Variants in SYBU observed in about 807,000 individuals in gnomAD.
The protein encoded by SYBU is syntabulin.
A neutral mutation model predicts 35.9 loss-of-function variants in SYBU; 21 were observed. That is an observed-to-expected ratio of 0.58 (90% CI 0.41 to 0.84). The LOEUF (loss-of-function observed/expected upper bound fraction) is 0.84, where lower values mean the gene tolerates loss of function less well. Among genes scored for constraint, SYBU ranks in the 40% least tolerant of loss-of-function variants. The pLI, the probability that SYBU is intolerant of heterozygous loss-of-function variation, is 0.00. For missense variants in SYBU, 768 were observed against 848.2 expected, an observed-to-expected ratio of 0.91 and a Z score of 1.17; for synonymous variants, 319 against 324.3, an observed-to-expected ratio of 0.98 and a Z score of 0.18.
intron 3 of SYBU, among the ~76,000 whole-genome samples, chr8:109,598,939 C>A (rs571325045): frequency 2.0e-5 from 3 of 152,286 alleles, no homozygotes; most frequent in South Asian, 4.1e-4. Context: ...TCACACAGCC[C>A]TTATGTGGGG....
At chr8:109,649,820 T>C (rs1015158016), upstream of SYBU, among the ~76,000 whole-genome samples, 2 of 152,094 alleles carry the variant, frequency 1.3e-5, no homozygotes, top group South Asian at 2.1e-4. Context: ...ATCAGAATGA[T>C]TGAAATTAAG....
Position 109,575,046 on chromosome 8 carries a change from CG to C in SYBU, c.1851del (p.Val618TrpfsTer48). On this transcript the variant is annotated frameshift_variant, in exon 7 of 7. Coordinates refer to ENST00000276646, the MANE Select transcript of SYBU (RefSeq NM_001099754.2). LOFTEE classifies it high-confidence loss of function. ...FLVDLLAVAA[P>X]VVPTVLWAFS... is the part of the protein sequence containing the mutation. ...AATGCCCACAGAACCGTGGGGACCA[CG>C]GGGGCAGCCACAGCCAGGAGATCCA... 2 of 1,608,046 alleles carry C rather than the reference CG, an allele frequency of 1.2e-6. No individual in the cohort carries two copies. Among genetic ancestry groups the C allele is most frequent in the Non-Finnish European group, 1.7e-6 (2 of 1,176,276 alleles).
chr8:109,658,253 A>G (rs1257309126), intron 1 of SYBU, among the ~76,000 whole-genome samples: 1 of 152,166 alleles, frequency 6.6e-6, no homozygotes, highest in Non-Finnish European at 1.5e-5. Context: ...CTAACTGACT[A>G]CTTTTAAGCT....
At chr8:109,591,858 C>T (rs1824319854) in intron 3 of SYBU, among the ~76,000 whole-genome samples, 1 of 151,864 alleles carries the variant, frequency 6.6e-6, no homozygotes, top group Non-Finnish European at 1.5e-5. Flanking sequence ...AGAGTAGTCA[C>T]ACCATATTAT....
At position 109,691,454 on chromosome 8, in the gene SYBU, T is replaced by C. The variant is rs913882389; in HGVS notation, c.-179A>G. 6.9e-5 allele frequency: 44 copies of C among 638,420 alleles called. No homozygotes were observed. In the East Asian group the frequency reaches 7.7e-4, roughly 11 times the overall value. The allele number at this position is 638,420 out of a possible 1,614,324, so 39.5% of individuals were successfully genotyped here. A position where few individuals can be genotyped will look rare whatever the true frequency, so the allele number is the denominator to read the frequency against. On this transcript the variant is annotated 5_prime_UTR_variant, in exon 1 of 8. Coordinates refer to the SYBU transcript ENST00000422135. The surrounding 1 kb of genome is among the most constrained non-coding windows in gnomAD (Gnocchi z 4.7). ...GACGGGACCCCGCGTCGCTGCTGGTTTGCGCTCAGGCCCGGGGAGCCGGGC... is the reference window on the plus strand; with the variant it reads ...GACGGGACCCCGCGTCGCTGCTGGTCTGCGCTCAGGCCCGGGGAGCCGGGC...
chr8:109,630,077 G>A (rs1480202816), intron 2 of SYBU, among the ~76,000 whole-genome samples: 1 of 151,736 alleles, frequency 6.6e-6, no homozygotes, highest in African/African-American at 2.4e-5. Flanking sequence ...TATACACCAT[G>A]GAATACTATG....
upstream of SYBU, chr8:109,645,999 T>G (rs986218660): frequency 6.6e-6 from 1 of 152,268 alleles, no homozygotes; most frequent in African/African-American, 2.4e-5. Context: ...CAATATTTGT[T>G]GATGCCTTTT....
At chr8:109,581,275 G>A (rs542361331) in intron 4 of SYBU, among the ~76,000 whole-genome samples, 4 of 152,264 alleles carry the variant, frequency 2.6e-5, no homozygotes, top group African/African-American at 9.6e-5. Context: ...TGAGTCATTG[G>A]CACTGCCACT....
chr8:109,669,841 T>C (rs925699024), intron 1 of SYBU, among the ~76,000 whole-genome samples: 5 of 152,260 alleles, frequency 3.3e-5, no homozygotes, highest in Middle Eastern at 3.2e-3. Flanking sequence ...TAGCTACCTA[T>C]GTAAAATAAA....
intron 5 of SYBU, 73 bp downstream of exon 5, chr8:109,579,726 T>A: frequency 7.2e-7 from 1 of 1,385,604 alleles, no homozygotes; most frequent in Non-Finnish European, 1.0e-6. Context: ...TATAACTTTT[T>A]TTTTTCTTTT....
At chr8:109,591,248 TTTTGTG>T (rs1215535558) in intron 3 of SYBU, among the ~76,000 whole-genome samples, 9 of 152,204 alleles carry the variant, frequency 5.9e-5, no homozygotes, top group Non-Finnish European at 1.2e-4. Context: ...AGTCTGCTTT[TTTTGTG>T]AATAAATCTT....
chr8:109,619,830 G>A (rs1308309682), intron 2 of SYBU, among the ~76,000 whole-genome samples: 3 of 152,192 alleles, frequency 2.0e-5, no homozygotes, highest in Non-Finnish European at 4.4e-5. Flanking sequence ...AGGGTTCAAA[G>A]AAGCAGTGTG....
intron 4 of SYBU, among the ~76,000 whole-genome samples, chr8:109,581,706 G>A (rs1180866642): frequency 1.3e-5 from 2 of 152,208 alleles, no homozygotes; most frequent in East Asian, 1.9e-4. Context: ...AATGAGAAAT[G>A]TGTGTAAATG....
At chr8:109,673,566 C>T (rs1188659602) in intron 1 of SYBU, among the ~76,000 whole-genome samples, 1 of 152,140 alleles carries the variant, frequency 6.6e-6, no homozygotes, top group Non-Finnish European at 1.5e-5. Flanking sequence ...GATAAATCTA[C>T]CAAGATGAGG....
At chr8:109,688,745 T>G (rs1817576479) in intron 1 of SYBU, among the ~76,000 whole-genome samples, 1 of 149,402 alleles carries the variant, frequency 6.7e-6, no homozygotes, top group Admixed American at 6.7e-5. Flanking sequence ...GGATGCAGAC[T>G]CAAAACCTCA....
At chr8:109,620,308 T>C (rs1418606903) in intron 2 of SYBU, among the ~76,000 whole-genome samples, 7 of 152,180 alleles carry the variant, frequency 4.6e-5, no homozygotes, top group Non-Finnish European at 1.5e-5. Context: ...AGACATTCAG[T>C]ACTAATAACT....
intron 2 of SYBU, among the ~76,000 whole-genome samples, chr8:109,631,563 T>A (rs1050293859): frequency 2.9e-4 from 44 of 152,212 alleles, no homozygotes; most frequent in African/African-American, 8.9e-4. Flanking sequence ...GGCCGAGTAC[T>A]TGGTTTCTAC....
intron 3 of SYBU, among the ~76,000 whole-genome samples, chr8:109,586,689 C>G (rs1440120875): frequency 6.6e-6 from 1 of 152,188 alleles, no homozygotes; most frequent in Admixed American, 6.5e-5. Flanking sequence ...TGCACTGGCA[C>G]TATCTGAGGT....
intron 2 of SYBU, among the ~76,000 whole-genome samples, chr8:109,631,827 T>C (rs1008797762): frequency 1.6e-4 from 25 of 152,194 alleles, no homozygotes; most frequent in African/African-American, 6.0e-4. Context: ...CATACGGTTA[T>C]GATCTTTCCA....
Sources: allele counts gnomAD v4.1 joint callset (sites outside exome capture counted in the v4.1 genomes callset), GRCh38; gene constraint gnomAD v4.1.1; non-coding constraint Gnocchi (gnomAD v3.1); transcripts MANE v1.5; gene names NCBI Gene and HGNC (gene_info 2026-07-23, HGNC 2026-07-21).